The following TMPRSS12 variants were observed in gnomAD, a reference collection of about 807,000 sequenced individuals.
TMPRSS12 encodes transmembrane protease serine 12.
TMPRSS12 carries 25 observed loss-of-function variants against 26.0 expected under a neutral mutation model. That is an observed-to-expected ratio of 0.96 (90% CI 0.70 to 1.34). The LOEUF (loss-of-function observed/expected upper bound fraction) is 1.34, where lower values mean the gene tolerates loss of function less well. Ranked by LOEUF, TMPRSS12 falls within the 40% of genes most tolerant of loss-of-function variation. The pLI, the probability that TMPRSS12 is intolerant of heterozygous loss-of-function variation, is 0.00. For missense variants in TMPRSS12, 441 were observed against 440.1 expected, an observed-to-expected ratio of 1.00 and a Z score of -0.02; for synonymous variants, 150 against 161.7, an observed-to-expected ratio of 0.93 and a Z score of 0.55.
intron 3 of TMPRSS12, among the ~76,000 whole-genome samples, chr12:50,864,254 C>T (rs992086970): frequency 1.3e-5 from 2 of 152,120 alleles, no homozygotes; most frequent in African/African-American, 4.8e-5. Context: ...ACATCAAATG[C>T]AAATTATTTA....
chr12:50,883,703 A>C (rs1938197079), intron 3 of TMPRSS12, among the ~76,000 whole-genome samples: 1 of 152,114 alleles, frequency 6.6e-6, no homozygotes, highest in South Asian at 2.1e-4. Context: ...TAATGAAATA[A>C]AATAAAATGA....
intron 3 of TMPRSS12, among the ~76,000 whole-genome samples, chr12:50,882,311 A>AG (rs1938183662): frequency 1.5e-5 from 2 of 137,182 alleles, no homozygotes; most frequent in African/African-American, 5.4e-5. Context: ...AAAAAAAAAA[A>AG]AAGAATATTA....
At chr12:50,849,491 AAC>A (rs1375608422) in intron 2 of TMPRSS12, among the ~76,000 whole-genome samples, 1 of 129,742 alleles carries the variant, frequency 7.7e-6, no homozygotes, top group African/African-American at 2.9e-5. Flanking sequence ...CAAGATTTAG[AAC>A]AGTTCCATAA....
intron 2 of TMPRSS12, among the ~76,000 whole-genome samples, chr12:50,851,690 A>G (rs891983562): frequency 6.6e-6 from 1 of 152,220 alleles, no homozygotes; most frequent in Non-Finnish European, 1.5e-5. Flanking sequence ...CAGGAAATTC[A>G]GAGAAGCCCT....
chr12:50,856,731 G>T (rs1454719737), intron 2 of TMPRSS12, among the ~76,000 whole-genome samples: 1 of 152,042 alleles, frequency 6.6e-6, no homozygotes, highest in Non-Finnish European at 1.5e-5. Context: ...TGTTGCTCAG[G>T]CTTGAGTGCA....
At chr12:50,858,165 T>C (rs1937899836) in intron 2 of TMPRSS12, among the ~76,000 whole-genome samples, 1 of 152,122 alleles carries the variant, frequency 6.6e-6, no homozygotes, top group Non-Finnish European at 1.5e-5. Context: ...TTAATTCACA[T>C]GCTAAGTTAA....
Position 50,887,672 on chromosome 12 carries a change from T to G in TMPRSS12, c.*159T>G. 1 of 877,166 alleles carries G rather than the reference T, an allele frequency of 1.1e-6. No individual in the cohort carries two copies. The highest frequency in any genetic ancestry group is 1.7e-5 in the African/African-American group (1 of 59,238). The allele number at this position is 877,166 out of a possible 1,614,324, so 54.3% of individuals were successfully genotyped here. On this transcript the variant is annotated 3_prime_UTR_variant, in exon 5 of 5. Coordinates refer to ENST00000398458, the MANE Select transcript of TMPRSS12 (RefSeq NM_182559.3). Reference sequence around the variant, plus strand: ...AAGTATTGTGACAGATATACAATTGTAATTTTGGCACTGAATCACATGTCT... The same window carrying G: ...AAGTATTGTGACAGATATACAATTGGAATTTTGGCACTGAATCACATGTCT...
intron 3 of TMPRSS12, among the ~76,000 whole-genome samples, chr12:50,872,247 C>T (rs536065019): frequency 1.3e-5 from 2 of 152,236 alleles, no homozygotes; most frequent in South Asian, 4.1e-4. Flanking sequence ...GGCGCGGTGG[C>T]TCACGCCTGT....
chr12:50,851,414 A>G (rs1937825360), intron 2 of TMPRSS12, among the ~76,000 whole-genome samples: 2 of 152,214 alleles, frequency 1.3e-5, no homozygotes, highest in African/African-American at 2.4e-5. Context: ...TAATAATACA[A>G]TTAGAAGTAT....
intron 2 of TMPRSS12, among the ~76,000 whole-genome samples, chr12:50,856,077 GAA>G (rs1219865419): frequency 4.6e-5 from 7 of 152,140 alleles, no homozygotes; most frequent in Admixed American, 4.6e-4. Flanking sequence ...GAAGTGGATT[GAA>G]AAACTAACTA....
intron 2 of TMPRSS12, 108 bp downstream of exon 2, chr12:50,844,145 C>A: frequency 1.1e-6 from 1 of 875,966 alleles, no homozygotes. Flanking sequence ...TGCAAATAGC[C>A]ATAATGCCTT....
chr12:50,868,313 G>C (rs1938010508), intron 3 of TMPRSS12, among the ~76,000 whole-genome samples: 1 of 152,182 alleles, frequency 6.6e-6, no homozygotes, highest in African/African-American at 2.4e-5. Flanking sequence ...GGCATTTCAT[G>C]CAAATGGACA....
chr12:50,849,657 T>C (rs1253872115), intron 2 of TMPRSS12, among the ~76,000 whole-genome samples: 1 of 152,102 alleles, frequency 6.6e-6, no homozygotes, highest in East Asian at 1.9e-4. Flanking sequence ...GAGCTTGGCT[T>C]GTTTACCTAG....
intron 3 of TMPRSS12, among the ~76,000 whole-genome samples, chr12:50,876,240 A>C (rs1592224076): frequency 6.6e-6 from 1 of 152,174 alleles, no homozygotes; most frequent in Non-Finnish European, 1.5e-5. Flanking sequence ...TGCTAAAAAA[A>C]CCAAAAAACA....
chr12:50,883,355 A>G (rs1251233735), intron 3 of TMPRSS12, among the ~76,000 whole-genome samples: 2 of 152,218 alleles, frequency 1.3e-5, no homozygotes, highest in African/African-American at 2.4e-5. Flanking sequence ...AGAATTAATC[A>G]TAACCAAATT....
intron 2 of TMPRSS12, among the ~76,000 whole-genome samples, chr12:50,847,067 T>TC: frequency 6.7e-6 from 1 of 148,878 alleles, no homozygotes; most frequent in Admixed American, 6.7e-5. Context: ...CTTTTTTTTT[T>TC]TTTTTTTTTG....
Position 50,843,958 on chromosome 12 carries a change from G to A in TMPRSS12, c.304G>A (p.Val102Ile), listed in dbSNP as rs759266843. 6.2e-7 allele frequency: 1 copy of A among 1,605,798 alleles called. No individual in the cohort carries two copies. The highest frequency in any genetic ancestry group is 8.5e-7 in the Non-Finnish European group (1 of 1,176,190). ...VVSLQIKYGR[V>I]LVHVCGGTLV... is the part of the protein sequence containing the mutation. The stretch of plus-strand genomic sequence containing the variant: ...GAGCCTGCAGATTAAATATGGCCGT[G>A]TTCTTGTTCATGTATGTGGGGGAAC... Residue 102 changes from valine (V) to isoleucine (I), a missense_variant, in exon 2 of 5, where the codon GTT becomes ATT. Coordinates refer to ENST00000398458, the MANE Select transcript of TMPRSS12 (RefSeq NM_182559.3).
chr12:50,845,029 A>T (rs1486346894), intron 2 of TMPRSS12, among the ~76,000 whole-genome samples: 1 of 152,214 alleles, frequency 6.6e-6, no homozygotes, highest in Non-Finnish European at 1.5e-5. Flanking sequence ...TCTATATTTA[A>T]AAAAATTGTT....
At position 50,858,748 on chromosome 12, in the gene TMPRSS12, A is replaced by T. The variant is rs1346113540; in HGVS notation, c.384-37A>T. On this transcript the variant is annotated intron_variant, in intron 2 of 4. Coordinates refer to ENST00000398458, the MANE Select transcript of TMPRSS12 (RefSeq NM_182559.3). ...ATTAAGAATATGTACTTAGTTAATT[A>T]AAGATATTTATAATAAGAATGTTTA... 5 of 1,422,816 alleles carry T rather than the reference A, an allele frequency of 3.5e-6. No homozygotes were observed. In the South Asian group the frequency reaches 8.1e-5, roughly 23 times the overall value. 88.1% of individuals were successfully genotyped at this position (1,422,816 alleles called of 1,614,324 possible). A position where few individuals can be genotyped will look rare whatever the true frequency, so the allele number is the denominator to read the frequency against.
Sources: gnomAD v4.1 joint callset for allele counts (sites outside exome capture counted in the v4.1 genomes callset) on GRCh38, gnomAD v4.1.1 for gene constraint, MANE v1.5 for transcripts, NCBI Gene and HGNC (gene_info 2026-07-23, HGNC 2026-07-21) for gene names.